CCDC57: variants seen among roughly 807,000 people sequenced by gnomAD.
The protein encoded by CCDC57 is coiled-coil domain containing 57, also known as coiled-coil domain-containing protein 57.
In CCDC57, 118 loss-of-function variants were observed where a neutral mutation model predicts 118.9. The observed-to-expected ratio is 0.99, with a 90% CI of 0.86 to 1.16. The LOEUF (loss-of-function observed/expected upper bound fraction) is 1.16, where lower values mean the gene tolerates loss of function less well. CCDC57 is among the 50% of genes most tolerant of loss of function. The pLI, the probability that CCDC57 is intolerant of heterozygous loss-of-function variation, is 0.00. For missense variants in CCDC57, 1,300 were observed against 1,320.7 expected (o/e 0.98, Z 0.24); for synonymous variants, 527 against 532.9 (o/e 0.99, Z 0.15).
intron 19 of CCDC57, among the ~76,000 whole-genome samples, chr17:82,116,388 GGGAGC>G (rs1598653402): frequency 6.6e-6 from 1 of 152,000 alleles, no homozygotes. Context: ...CCCACCCCCA[GGGAGC>G]GGCCCAGGGG....
chr17:82,110,324 G>GA (rs370974545), intron 19 of CCDC57, among the ~76,000 whole-genome samples: 1,564 of 151,892 alleles, frequency 0.01, 24 homozygotes, highest in African/African-American at 0.036. Context: ...GCAGAAAAAA[G>GA]AAAAAAATAA....
intron 13 of CCDC57, among the ~76,000 whole-genome samples, chr17:82,168,162 T>C (rs981796887): frequency 6.6e-6 from 1 of 152,236 alleles, no homozygotes; most frequent in Non-Finnish European, 1.5e-5. Flanking sequence ...TGACAGTTTT[T>C]TGCTTTCAGT....
At chr17:82,137,520 T>C (rs1023480428) in intron 16 of CCDC57, among the ~76,000 whole-genome samples, 1 of 152,224 alleles carries the variant, frequency 6.6e-6, no homozygotes, top group Non-Finnish European at 1.5e-5. Context: ...ATAACTGTTC[T>C]CTCCTATGTT....
chr17:82,130,350 T>C (rs1277665215), intron 17 of CCDC57, among the ~76,000 whole-genome samples: 1 of 145,550 alleles, frequency 6.9e-6, no homozygotes, highest in Non-Finnish European at 1.5e-5. Context: ...CCCACCCCCA[T>C]GCCCGACTAA....
At chr17:82,188,413 C>G in exon 8 of CCDC57, 1 of 1,610,526 alleles carries the variant, frequency 6.2e-7, no homozygotes, top group Non-Finnish European at 8.5e-7. Flanking sequence ...GGTCGAGCTC[C>G]TCATGCCTGA....
At chr17:82,194,312 T>TTC (rs1201719620) in intron 5 of CCDC57, 173 bp from the exon 5 acceptor site, 14 of 656,056 alleles carry the variant, frequency 2.1e-5, no homozygotes, top group Non-Finnish European at 3.2e-5. Context: ...TCAATGACTT[T>TTC]TTTTTTTTTC....
At chr17:82,210,252 T>C (rs1195476430) in intron 1 of CCDC57, among the ~76,000 whole-genome samples, 1 of 151,406 alleles carries the variant, frequency 6.6e-6, no homozygotes, top group Non-Finnish European at 1.5e-5. Context: ...TTCTTTCTTA[T>C]AGGAAAATCC....
intron 16 of CCDC57, among the ~76,000 whole-genome samples, chr17:82,140,489 G>A (rs541064549): frequency 5.2e-4 from 79 of 152,284 alleles, no homozygotes; most frequent in African/African-American, 1.6e-3. Flanking sequence ...CCAAAGTGCC[G>A]GGATTACAGG....
At chr17:82,105,810 G>A (rs553477518) in intron 19 of CCDC57, among the ~76,000 whole-genome samples, 83 of 152,344 alleles carry the variant, frequency 5.4e-4, no homozygotes, top group African/African-American at 1.8e-3. Flanking sequence ...GGCACATGGA[G>A]CCTGGAGCCC....
intron 13 of CCDC57, among the ~76,000 whole-genome samples, chr17:82,170,994 C>T (rs903396420): frequency 6.6e-6 from 1 of 152,250 alleles, no homozygotes. Context: ...TCTGAAGACG[C>T]CAGACAGAAG....
intron 5 of CCDC57, 23 bp from the exon 5 acceptor site, chr17:82,194,162 C>T (rs1319620151): frequency 6.3e-7 from 1 of 1,598,880 alleles, no homozygotes; most frequent in African/African-American, 1.3e-5. Context: ...AAAATGAGTT[C>T]AAAATGAGGT....
At chr17:82,105,855 G>C (rs1402493699) in intron 19 of CCDC57, among the ~76,000 whole-genome samples, 1 of 152,226 alleles carries the variant, frequency 6.6e-6, no homozygotes, top group Non-Finnish European at 1.5e-5. Context: ...GAGGGTACTG[G>C]ACATTGCATG....
intron 16 of CCDC57, among the ~76,000 whole-genome samples, chr17:82,147,673 G>A (rs1321591729): frequency 9.8e-5 from 13 of 132,820 alleles, no homozygotes; most frequent in African/African-American, 2.9e-4. Context: ...GGGTGGGTGG[G>A]TGAATGGATG....
At chr17:82,127,187 C>CAGGACG in intron 19 of CCDC57, 1 of 985,466 alleles carries the variant, frequency 1.0e-6, no homozygotes, top group Non-Finnish European at 1.2e-6. Flanking sequence ...CGCAGCAAAG[C>CAGGACG]AGGACGAGGA....
chr17:82,200,728 G>GCCGA (rs1286746465), intron 3 of CCDC57, among the ~76,000 whole-genome samples: 9 of 152,126 alleles, frequency 5.9e-5, no homozygotes, highest in African/African-American at 1.9e-4. Context: ...GGGAGATGGA[G>GCCGA]GTTGCAGCGA....
intron 19 of CCDC57, chr17:82,107,372 A>AGTGGGGC: frequency 2.2e-6 from 1 of 460,282 alleles, no homozygotes; most frequent in Non-Finnish European, 4.5e-6. Context: ...ATGCCGCGGG[A>AGTGGGGC]GTGGGGAGTG....
In CCDC57 at chr17:82,111,076, A is replaced by G. The variant is rs569079067; in HGVS notation, c.2900-9210T>C. Among the ~76,000 whole-genome samples, 7 of 152,020 alleles carry G rather than the reference A, an allele frequency of 4.6e-5. No individual in the cohort carries two copies. In the South Asian group the frequency reaches 1.5e-3, roughly 32 times the overall value. Reference sequence around the variant, plus strand: ...TCAGCACAAAAACAGAATCAAAGACAGACTTTGTTTGTTTGTTTTTTGTTT... The same window carrying G: ...TCAGCACAAAAACAGAATCAAAGACGGACTTTGTTTGTTTGTTTTTTGTTT... On this transcript the variant is annotated intron_variant, in intron 19 of 19. Transcript: ENST00000665763.
intron 16 of CCDC57, among the ~76,000 whole-genome samples, chr17:82,142,459 C>T (rs559153865): frequency 7.9e-5 from 12 of 152,154 alleles, no homozygotes; most frequent in East Asian, 1.9e-4. Flanking sequence ...ACTATAGGCG[C>T]GCAACACCAA....
At position 82,126,775 on chromosome 17, in the gene CCDC57, G is replaced by A. The variant is rs962014771; in HGVS notation, c.2899+917C>T. 5 of 985,320 alleles carry A rather than the reference G, an allele frequency of 5.1e-6. No individual in the cohort carries two copies. In the African/African-American group the frequency reaches 8.7e-5, roughly 17 times the overall value. The allele number at this position is 985,320 out of a possible 1,614,324, so 61.0% of individuals were successfully genotyped here. A position where few individuals can be genotyped will look rare whatever the true frequency, so the allele number is the denominator to read the frequency against. On this transcript the variant is annotated intron_variant, in intron 19 of 19. Transcript: ENST00000665763. The stretch of plus-strand genomic sequence containing the variant: ...TTTCACACACACTGCAGCCTGTAAG[G>A]TTACTATTCTAACAGTATCTGTGAC...
Sources: allele counts gnomAD v4.1 joint callset (sites outside exome capture counted in the v4.1 genomes callset), GRCh38; gene constraint gnomAD v4.1.1; transcripts MANE v1.5; gene names NCBI Gene and HGNC (gene_info 2026-07-23, HGNC 2026-07-21).